ACOT7: variants seen among roughly 807,000 people sequenced by gnomAD.
The protein encoded by ACOT7 is acyl-CoA thioesterase 7.
Under a neutral mutation model 40.2 loss-of-function variants are expected in ACOT7, and 12 were observed. The ratio of observed to expected loss-of-function variants is 0.30; its 90% CI spans 0.19 to 0.48. The LOEUF is 0.48. Ranked by LOEUF, ACOT7 falls within the 20% of genes least tolerant of loss-of-function variation. ACOT7 has a pLI of 0.99. For synonymous variants in ACOT7, 228 were observed against 219.5 expected, an observed-to-expected ratio of 1.04 and a Z score of -0.34; for missense variants, 395 against 530.8, an observed-to-expected ratio of 0.74 and a Z score of 2.51.
intron 8 of ACOT7, among the ~76,000 whole-genome samples, chr1:6,266,963 C>T (rs1398717615): frequency 1.3e-5 from 2 of 152,206 alleles, no homozygotes; most frequent in East Asian, 1.9e-4. Flanking sequence ...GAGCTGGGGA[C>T]GGGCAGGCTG....
intron 5 of ACOT7, among the ~76,000 whole-genome samples, chr1:6,325,589 C>T (rs766351621): frequency 6.6e-6 from 1 of 152,138 alleles, no homozygotes; most frequent in Non-Finnish European, 1.5e-5. Context: ...GTCCCACTGG[C>T]CTAAGGTGAC....
At chr1:6,287,373 C>T (rs548246261) in intron 7 of ACOT7, among the ~76,000 whole-genome samples, 2 of 152,360 alleles carry the variant, frequency 1.3e-5, no homozygotes, top group South Asian at 4.1e-4. Context: ...AGCTCCATGG[C>T]TGTGAACAGC....
intron 1 of ACOT7, among the ~76,000 whole-genome samples, chr1:6,387,579 G>A (rs1350363798): frequency 6.6e-6 from 1 of 152,204 alleles, no homozygotes; most frequent in African/African-American, 2.4e-5. Context: ...CTGAGAGTGA[G>A]AGGCCAAGGG....
Position 6,319,874 on chromosome 1 carries a change from G to T in ACOT7, c.626-1296C>A, listed in dbSNP as rs996611907. Among the ~76,000 whole-genome samples the T allele has an allele frequency of 2.6e-5, 4 of 152,242 alleles. 1 individual carries two copies. The highest frequency in any genetic ancestry group is 2.6e-4 in the Admixed American group (4 of 15,286). ...AGATCCGCCCTGAGCCATCCACGAG[G>T]GTGCGAGGGCTGGTGAACATGGTCA... On this transcript the variant is annotated intron_variant, in intron 5 of 8. Transcript: ENST00000361521.
At chr1:6,308,635 A>G (rs1307009835) in intron 6 of ACOT7, among the ~76,000 whole-genome samples, 1,535 of 126,286 alleles carry the variant, frequency 0.012, 45 homozygotes, top group African/African-American at 0.049. Flanking sequence ...AACAGGCAGA[A>G]GGAACAGCAA....
chr1:6,281,342 G>T, intron 7 of ACOT7, 56 bp from the exon 8 acceptor site: 1 of 1,528,830 alleles, frequency 6.5e-7, no homozygotes. Context: ...GCTGGGCGGG[G>T]GACACTGGCG....
chr1:6,352,594 C>CTT lies in ACOT7; in HGVS notation c.144-2730_144-2729dup, dbSNP rs748612683. Among the ~76,000 whole-genome samples, 422 of 143,594 alleles carry CTT rather than the reference C, an allele frequency of 2.9e-3. 1 individual carries two copies. The highest frequency in any genetic ancestry group is 9.8e-3 in the African/African-American group (384 of 39,208). 94.2% of individuals were successfully genotyped at this position (143,594 alleles called of 152,430 possible). ...CACTGGAGACTTCGTTTTCCCATTT[C>CTT]TTTTTTTTTTTTTTTGAGACGGCGT... is the stretch of plus-strand genomic sequence containing the variant. On this transcript the variant is annotated intron_variant, in intron 1 of 8. Coordinates refer to ENST00000361521, the MANE Select transcript of ACOT7 (RefSeq NM_007274.4). This position sits in a 1 kb window ranked among gnomAD's most constrained non-coding sequence, Gnocchi z 4.5.
intron 8 of ACOT7, among the ~76,000 whole-genome samples, chr1:6,276,433 C>T (rs970725094): frequency 1.3e-5 from 2 of 152,190 alleles, no homozygotes; most frequent in Admixed American, 6.5e-5. Context: ...AGACCGAGAC[C>T]GGGAAGTGCT....
chr1:6,374,100 A>G (rs1346157620), intron 1 of ACOT7, among the ~76,000 whole-genome samples: 1 of 152,226 alleles, frequency 6.6e-6, no homozygotes, highest in African/African-American at 2.4e-5. Context: ...TACTCTGGGC[A>G]AGTTTCCTGG....
chr1:6,307,053 CCCCCAGCAGCGTTGTTTGGCT>C (rs1640175590), intron 6 of ACOT7, among the ~76,000 whole-genome samples: 1 of 152,282 alleles, frequency 6.6e-6, no homozygotes, highest in South Asian at 2.1e-4. Flanking sequence ...GGCCTCAAGA[CCCCCAGCAGCGTTGTTTGGCT>C]CCCCAGCAGC....
At position 6,347,075 on chromosome 1, in the gene ACOT7, T is replaced by G. The variant is rs574995621; in HGVS notation, c.261+2674A>C. Among the ~76,000 whole-genome samples the G allele has an allele frequency of 4.6e-5, 7 of 152,168 alleles. No individual in the cohort carries two copies. In the East Asian group the frequency reaches 1.4e-3, roughly 30 times the overall value. On this transcript the variant is annotated intron_variant, in intron 2 of 8. Coordinates refer to ENST00000361521, the MANE Select transcript of ACOT7 (RefSeq NM_007274.4). ...CAGCCAGAGACAGAACCTTGGGACTTCCAGCCACAGACTGGAAGGCACCAC... is the reference window on the plus strand; with the variant it reads ...CAGCCAGAGACAGAACCTTGGGACTGCCAGCCACAGACTGGAAGGCACCAC...
At position 6,393,629 on chromosome 1, in the gene ACOT7, G is replaced by A. The variant is rs1304285944; in HGVS notation, c.-230C>T. ...GAAGGTTCGGTGGCGGTTGGGCCGC[G>A]CCGGTGCGGGGAAGGCCCGCTAGCC... is the stretch of plus-strand genomic sequence containing the variant. On this transcript the variant is annotated 5_prime_UTR_variant, in exon 1 of 9. Transcript: ENST00000361521. 3.5e-5 allele frequency: 11 copies of A among 312,962 alleles called. No homozygotes were observed. The highest frequency in any genetic ancestry group is 6.2e-5 in the Non-Finnish European group (11 of 178,024). 19.4% of individuals were successfully genotyped at this position (312,962 alleles called of 1,614,324 possible).
intron 6 of ACOT7, among the ~76,000 whole-genome samples, chr1:6,305,063 G>A (rs529581403): frequency 4.8e-5 from 6 of 124,494 alleles, no homozygotes; most frequent in Middle Eastern, 5.0e-3. Context: ...GCGGCTGGCC[G>A]GGCGGGGGGC....
intron 1 of ACOT7, among the ~76,000 whole-genome samples, chr1:6,362,133 A>G (rs1286913355): frequency 6.6e-6 from 1 of 152,152 alleles, no homozygotes; most frequent in East Asian, 1.9e-4. Context: ...TCTGGAAGCT[A>G]AAAAGTCAAG....
In ACOT7 at chr1:6,288,181, G is replaced by A. The variant is rs1381082424; in HGVS notation, c.829+6683C>T. Among the ~76,000 whole-genome samples the A allele has an allele frequency of 1.3e-5, 2 of 152,166 alleles. No individual in the cohort carries two copies. The highest frequency in any genetic ancestry group is 4.8e-5 in the African/African-American group (2 of 41,446). On this transcript the variant is annotated intron_variant, in intron 7 of 8. Coordinates refer to ENST00000361521, the MANE Select transcript of ACOT7 (RefSeq NM_007274.4). This position sits in a 1 kb window ranked among gnomAD's most constrained non-coding sequence, Gnocchi z 4.3. ...CTCTGTGGGTGCTACCGGGCTCCAC[G>A]TGCCTTCCCCTGTGCTGGTCCCCTG...
intron 1 of ACOT7, among the ~76,000 whole-genome samples, chr1:6,353,438 TG>T (rs1641652063): frequency 6.6e-6 from 1 of 152,086 alleles, no homozygotes; most frequent in Non-Finnish European, 1.5e-5. Flanking sequence ...ATTCAGGACT[TG>T]CCTGGCCAAA....
At position 6,288,100 on chromosome 1, in the gene ACOT7, C is replaced by T. The variant is rs1639556460; in HGVS notation, c.829+6764G>A. Among the ~76,000 whole-genome samples, 1 of 152,174 alleles carries T rather than the reference C, an allele frequency of 6.6e-6. No individual in the cohort carries two copies. The highest frequency in any genetic ancestry group is 1.5e-5 in the Non-Finnish European group (1 of 67,990). On this transcript the variant is annotated intron_variant, in intron 7 of 8. Coordinates refer to ENST00000361521, the MANE Select transcript of ACOT7 (RefSeq NM_007274.4). This position sits in a 1 kb window ranked among gnomAD's most constrained non-coding sequence, Gnocchi z 4.3. ...AAAAAAAAATCCACACAGCAAGTGA[C>T]CCCACAGCTCCCATTAGGGGCTCCA... is the stretch of plus-strand genomic sequence containing the variant.
chr1:6,290,622 C>G (rs1032916880), intron 7 of ACOT7, among the ~76,000 whole-genome samples: 1 of 152,210 alleles, frequency 6.6e-6, no homozygotes, highest in Non-Finnish European at 1.5e-5. Flanking sequence ...TACAACACCC[C>G]AACACAAAGA....
Position 6,282,696 on chromosome 1 carries a change from T to G in ACOT7, c.830-1410A>C. The G allele has an allele frequency of 7.7e-7, 1 of 1,299,440 alleles. No individual in the cohort carries two copies. The highest frequency in any genetic ancestry group is 1.2e-5 in the South Asian group (1 of 80,934). 80.5% of individuals were successfully genotyped at this position (1,299,440 alleles called of 1,614,324 possible). ...TCCATGTTAAAAAGTATCAGAACGA[T>G]CCATGCTACATTCAACTTCATACTT... is the stretch of plus-strand genomic sequence containing the variant. On this transcript the variant is annotated intron_variant, in intron 7 of 8. Coordinates refer to ENST00000361521, the MANE Select transcript of ACOT7 (RefSeq NM_007274.4). The surrounding 1 kb of genome is among the most constrained non-coding windows in gnomAD (Gnocchi z 4.5).
Sources: gnomAD v4.1 joint callset for allele counts (sites outside exome capture counted in the v4.1 genomes callset) on GRCh38, gnomAD v4.1.1 for gene constraint, Gnocchi (gnomAD v3.1) non-coding constraint, MANE v1.5 for transcripts, NCBI Gene and HGNC (gene_info 2026-07-23, HGNC 2026-07-21) for gene names.